IQGAP3: variants seen among roughly 807,000 people sequenced by gnomAD.
IQGAP3 encodes IQ motif containing GTPase activating protein 3.
In IQGAP3, 165 loss-of-function variants were observed where a neutral mutation model predicts 208.2. The observed-to-expected ratio is 0.79, with a 90% CI of 0.70 to 0.90. The LOEUF (loss-of-function observed/expected upper bound fraction) is 0.90. Ranked by LOEUF, IQGAP3 falls within the 40% of genes least tolerant of loss-of-function variation. The pLI is 0.00. For synonymous variants in IQGAP3, 703 were observed against 803.6 expected (o/e 0.87, Z 2.12); for missense variants, 1,811 against 2,043.1 (o/e 0.89, Z 2.19).
chr1:156,564,748 C>T (rs1367795597), intron 4 of IQGAP3, 57 bp from the exon 5 acceptor site: 136 of 1,182,648 alleles, frequency 1.1e-4, no homozygotes, highest in Non-Finnish European at 1.5e-4. Context: ...CCACCAAATG[C>T]GGAGAGGGGG....
At chr1:156,536,143 C>T (rs757089672) in intron 27 of IQGAP3, among the ~76,000 whole-genome samples, 28 of 152,186 alleles carry the variant, frequency 1.8e-4, no homozygotes, top group African/African-American at 5.8e-4. Flanking sequence ...ACTCTTAATC[C>T]GGTTCTCCAG....
intron 1 of IQGAP3, among the ~76,000 whole-genome samples, chr1:156,571,551 A>G (rs1571373169): frequency 6.6e-6 from 1 of 152,244 alleles, no homozygotes; most frequent in African/African-American, 2.4e-5. Context: ...GGGGGTGTAC[A>G]AGGAACAAGT....
At position 156,548,683 on chromosome 1, in the gene IQGAP3, C is replaced by A. The variant is rs763753045; in HGVS notation, c.1891G>T (p.Val631Leu). 1.2e-6 allele frequency: 2 copies of A among 1,611,374 alleles called. No homozygotes were observed. Among genetic ancestry groups the A allele is most frequent in the Non-Finnish European group, 1.7e-6 (2 of 1,178,306 alleles). The change falls in exon 17 of 38, where the codon GTG becomes TTG. Residue 631 changes from valine (V) to leucine (L), a missense_variant. By Grantham distance (32) the Val-to-Leu change is conservative (BLOSUM62 1). Coordinates refer to ENST00000361170, the MANE Select transcript of IQGAP3 (RefSeq NM_178229.5). ...AGGGCCACTGCGGGGTTCCTCAACA[C>A]CCGCTCAGTCTGGGCTGCCTTGCCC... ...KEGKAAQTERVLRNPAVALRG... is the reference protein window; with the variant it reads ...KEGKAAQTERLLRNPAVALRG...
At chr1:156,542,196 T>A (rs1675019231) in intron 22 of IQGAP3, among the ~76,000 whole-genome samples, 1 of 152,170 alleles carries the variant, frequency 6.6e-6, no homozygotes. Context: ...AATCTTTTTT[T>A]ATTTTTATTT....
chr1:156,544,287 A>G, intron 20 of IQGAP3, 64 bp from the exon 21 acceptor site: 1 of 1,582,018 alleles, frequency 6.3e-7, no homozygotes, highest in Non-Finnish European at 8.7e-7. Flanking sequence ...GTCTCAGGCC[A>G]ATTCAGCTAA....
Position 156,562,646 on chromosome 1 carries a change from T to C in IQGAP3, c.818A>G (p.Asp273Gly). 1.2e-6 allele frequency: 2 copies of C among 1,614,108 alleles called. No homozygotes were observed. The highest frequency in any genetic ancestry group is 3.3e-5 in the Admixed American group (2 of 60,024). The change falls in exon 9 of 38, where the codon GAC becomes GGC. Residue 273 changes from aspartate (D) to glycine (G), a missense_variant. Asp to Gly is a moderately conservative substitution (Grantham distance 94). Coordinates refer to ENST00000361170, the MANE Select transcript of IQGAP3 (RefSeq NM_178229.5). Reference protein sequence around the residue: ...ARNHDDRESQDIYDHYLTQAE... With the variant: ...ARNHDDRESQGIYDHYLTQAE... ...CTGAGTTAGGTAGTGGTCATAGATG[T>C]CCTGGCTTTCTCTGTCATCCTGCAA...
At chr1:156,554,449 A>C in intron 12 of IQGAP3, 57 bp from the exon 13 acceptor site, 1 of 1,487,332 alleles carries the variant, frequency 6.7e-7, no homozygotes, top group Non-Finnish European at 9.0e-7. Context: ...CTAAAGGCCT[A>C]TTCACCATCC....
chr1:156,567,093 C>T (rs978551929), intron 2 of IQGAP3, among the ~76,000 whole-genome samples: 3 of 152,138 alleles, frequency 2.0e-5, no homozygotes, highest in African/African-American at 7.2e-5. Flanking sequence ...TCTCAAACTC[C>T]CGACCTCAGG....
intron 2 of IQGAP3, 108 bp from the exon 3 acceptor site, chr1:156,566,654 T>C: frequency 9.7e-7 from 1 of 1,030,366 alleles, no homozygotes; most frequent in East Asian, 2.6e-5. Context: ...CTGACCCTCC[T>C]CTGCTTCCTG....
rs752062102 is a variant in IQGAP3, at chr1:156,566,438, G to A, written c.234C>T (p.Ser78=). The A allele has an allele frequency of 9.3e-6, 15 of 1,613,990 alleles. No individual in the cohort carries two copies. The highest frequency in any genetic ancestry group is 5.3e-5 in the African/African-American group (4 of 74,888). ...CGTAGATCTTCTTCAAGGGAACCAC[G>A]GAGGGTGCAAAACAGTGGCCTAGCT... is the stretch of plus-strand genomic sequence containing the variant. ...LAKLGHCFAP[S]VVPLKKIYDV... is the part of the protein sequence containing the mutation. The change falls in exon 3 of 38, where the codon TCC becomes TCT. Residue 78 remains serine (S), a synonymous_variant. Coordinates refer to ENST00000361170, the MANE Select transcript of IQGAP3 (RefSeq NM_178229.5).
chr1:156,566,273 C>T, intron 3 of IQGAP3, 117 bp downstream of exon 3: 1 of 1,261,344 alleles, frequency 7.9e-7, no homozygotes, highest in South Asian at 1.4e-5. Flanking sequence ...AGATTAATAA[C>T]ACTCCCTTTT....
In IQGAP3 at chr1:156,533,783, A is replaced by C. The variant is rs1330880980; in HGVS notation, c.3966T>G (p.Pro1322=). 1 of 1,613,436 alleles carries C rather than the reference A, an allele frequency of 6.2e-7. No individual in the cohort carries two copies. Among genetic ancestry groups the C allele is most frequent in the Non-Finnish European group, 8.5e-7 (1 of 1,179,712 alleles). The change falls in exon 31 of 38, where the codon CCT becomes CCG. Residue 1322 remains proline, a synonymous_variant. Coordinates refer to ENST00000361170, the MANE Select transcript of IQGAP3 (RefSeq NM_178229.5). ...AAGGAGGGCACGTACCAATAAGGTC[A>C]GGGATGGTGGGCAGCTCCCCAAGAT... is the stretch of plus-strand genomic sequence containing the variant. ...LEDLGELPTI[P]DLIGESIAAD...
In IQGAP3 at chr1:156,544,169, G is replaced by A. The variant is rs201097448; in HGVS notation, c.2443C>T (p.His815Tyr). 36 of 1,614,188 alleles carry A rather than the reference G, an allele frequency of 2.2e-5. No homozygotes were observed. The East Asian group carries it at 6.9e-4, about 31-fold the overall frequency. Reference protein sequence around the residue: ...AARRQYLRRLHYFQKNVNSIV... With the variant: ...AARRQYLRRLYYFQKNVNSIV... ...ACACTCACATTCTTCTGGAAGTAGTGCAGACGCCTCAGGTATTGCCTCCGA... is the reference window on the plus strand; with the variant it reads ...ACACTCACATTCTTCTGGAAGTAGTACAGACGCCTCAGGTATTGCCTCCGA... The change falls in exon 21 of 38, where the codon CAC becomes TAC. Residue 815 changes from histidine to tyrosine, a missense_variant. Transcript: ENST00000361170.
At chr1:156,535,085 T>C in intron 28 of IQGAP3, 78 bp downstream of exon 28, 1 of 1,088,872 alleles carries the variant, frequency 9.2e-7, no homozygotes. Context: ...TTTTGTGTTT[T>C]TGTCTCAGTC....
At chr1:156,563,886 C>T (rs910062409) in intron 5 of IQGAP3, 62 bp from the exon 6 acceptor site, 29 of 1,422,578 alleles carry the variant, frequency 2.0e-5, no homozygotes, top group Middle Eastern at 3.5e-4. Flanking sequence ...ACTCTGCCCA[C>T]GATGGGTTTG....
At chr1:156,527,347 G>C (rs189824996) in intron 37 of IQGAP3, among the ~76,000 whole-genome samples, 1 of 151,596 alleles carries the variant, frequency 6.6e-6, no homozygotes, top group Non-Finnish European at 1.5e-5. Flanking sequence ...GTGTGGTGGC[G>C]CACGCCTGTA....
chr1:156,552,066 T>A lies in IQGAP3; in HGVS notation c.1478A>T (p.Gln493Leu). Residue 493 changes from glutamine (Q) to leucine (L), a missense_variant, in exon 14 of 38, where the codon CAG becomes CTG. Gln to Leu is a moderately radical substitution (Grantham distance 113). Coordinates refer to ENST00000361170, the MANE Select transcript of IQGAP3 (RefSeq NM_178229.5). Reference protein sequence around the residue: ...RYFDALLKLRQERGMGEDFLS... With the variant: ...RYFDALLKLRLERGMGEDFLS... ...GAAGTCCTCACCCATCCCACGCTCCTGTCGCAATTTCAGCAGGGCATCGAA... is the reference window on the plus strand; with the variant it reads ...GAAGTCCTCACCCATCCCACGCTCCAGTCGCAATTTCAGCAGGGCATCGAA... 6.2e-7 allele frequency: 1 copy of A among 1,614,158 alleles called. No individual in the cohort carries two copies. The highest frequency in any genetic ancestry group is 8.5e-7 in the Non-Finnish European group (1 of 1,180,008).
chr1:156,526,513 G>A lies in IQGAP3; in HGVS notation c.4869C>T (p.Leu1623=), dbSNP rs1571301444. The A allele has an allele frequency of 1.9e-6, 3 of 1,613,890 alleles. No homozygotes were observed. The African/African-American group carries it at 4.0e-5, about 22-fold the overall frequency. Residue 1623 remains leucine (L), a synonymous_variant, in exon 38 of 38, where the codon CTC becomes CTT. Transcript: ENST00000361170. ...AKVNVNLLIF[L]LNKKFLRK is the part of the protein sequence containing the mutation. ...ACTTCCGCAAAAACTTCTTGTTGAG[G>A]AGGAAGATGAGAAGGTTGACATTGA...
At position 156,525,945 on chromosome 1, in the gene IQGAP3, AAC is replaced by A. The variant is rs1013632705; in HGVS notation, c.*539_*540del. On this transcript the variant is annotated 3_prime_UTR_variant, in exon 38 of 38. Coordinates refer to ENST00000361170, the MANE Select transcript of IQGAP3 (RefSeq NM_178229.5). ...AGTGCCACAATGCCACATGGGCACT[AAC>A]ACACACTGCATCCCCCCAGTCCCTG... 6.4e-6 allele frequency: 1 copy of A among 157,342 alleles called. No homozygotes were observed. The highest frequency in any genetic ancestry group is 2.4e-5 in the African/African-American group (1 of 41,552). The allele number at this position is 157,342 out of a possible 1,614,324, so 9.7% of individuals were successfully genotyped here. A position where few individuals can be genotyped will look rare whatever the true frequency, so the allele number is the denominator to read the frequency against.
Sources: allele counts gnomAD v4.1 joint callset (sites outside exome capture counted in the v4.1 genomes callset), GRCh38; gene constraint gnomAD v4.1.1; transcripts MANE v1.5; gene names NCBI Gene and HGNC (gene_info 2026-07-23, HGNC 2026-07-21).